Variants in RLF observed in about 807,000 individuals in gnomAD.
RLF encodes RLF zinc finger.
In RLF, 7 loss-of-function variants were observed where a neutral mutation model predicts 162.9. The observed-to-expected ratio is 0.04, with a 90% confidence interval of 0.02 to 0.08. RLF has a LOEUF of 0.08. RLF is among the 10% of genes least tolerant of loss of function. The pLI is 1.00. For missense variants in RLF, 1,664 were observed against 2,244.7 expected (o/e 0.74, Z 5.23); for synonymous variants, 782 against 791.5 (o/e 0.99, Z 0.20).
At chr1:40,187,117 C>T (rs143831826) in intron 1 of RLF, among the ~76,000 whole-genome samples, 39 of 151,958 alleles carry the variant, frequency 2.6e-4, no homozygotes, top group African/African-American at 8.7e-4. Context: ...CTGCAACCTC[C>T]GCCTCCCAGG....
intron 5 of RLF, among the ~76,000 whole-genome samples, chr1:40,216,292 A>G (rs1642923188): frequency 6.6e-6 from 1 of 152,050 alleles, no homozygotes; most frequent in Non-Finnish European, 1.5e-5. Context: ...AGACCAGCCT[A>G]GCTAACATGG....
chr1:40,167,341 A>G (rs1642181490), intron 1 of RLF, among the ~76,000 whole-genome samples: 1 of 152,200 alleles, frequency 6.6e-6, no homozygotes, highest in African/African-American at 2.4e-5. Context: ...CCTTCTTTTT[A>G]GCGATATCTA....
chr1:40,174,365 T>A (rs943173067), intron 1 of RLF, among the ~76,000 whole-genome samples: 3 of 149,234 alleles, frequency 2.0e-5, no homozygotes, highest in Non-Finnish European at 4.4e-5. Context: ...AGTGAGACTC[T>A]GTCTCAAAAA....
chr1:40,196,923 C>A (rs975965039), intron 4 of RLF, among the ~76,000 whole-genome samples: 9 of 152,346 alleles, frequency 5.9e-5, no homozygotes, highest in African/African-American at 2.2e-4. Context: ...ACTGTAACTT[C>A]ATTTACGTCA....
At chr1:40,220,585 TACTA>T (rs1416921899) in intron 5 of RLF, among the ~76,000 whole-genome samples, 1 of 152,214 alleles carries the variant, frequency 6.6e-6, no homozygotes, top group African/African-American at 2.4e-5. Context: ...ACTGCTTCCT[TACTA>T]ACAACCCTGA....
At chr1:40,184,606 TGA>T (rs199748251) in intron 1 of RLF, among the ~76,000 whole-genome samples, 80 of 152,278 alleles carry the variant, frequency 5.3e-4, no homozygotes, top group East Asian at 3.7e-3. Context: ...AATAGGCAGT[TGA>T]GGTATATAGC....
chr1:40,222,557 C>A lies in RLF; in HGVS notation c.811-17C>A. On this transcript the variant is annotated splice_polypyrimidine_tract_variant and intron_variant, in intron 5 of 7. Coordinates refer to ENST00000372771, the MANE Select transcript of RLF (RefSeq NM_012421.4). ...GTCACCATTTTCTTTTTGACTTAGT[C>A]ATCTCATTTTTGATAGATTGCAAAG... 3 of 1,607,916 alleles carry A rather than the reference C, an allele frequency of 1.9e-6. No individual in the cohort carries two copies. In the South Asian group the frequency reaches 3.3e-5, roughly 18 times the overall value.
chr1:40,212,197 A>T (rs1042452437), intron 5 of RLF, among the ~76,000 whole-genome samples: 1 of 152,182 alleles, frequency 6.6e-6, no homozygotes, highest in African/African-American at 2.4e-5. Context: ...AATAATAGGC[A>T]TATGTAATGG....
rs775872920 is a variant in RLF, at chr1:40,238,680, C to T, written c.3978C>T (p.Gly1326=). 6.2e-7 allele frequency: 1 copy of T among 1,613,616 alleles called. No individual in the cohort carries two copies. The part of the protein sequence containing the change: ...TCNSSFTNLK[G]LIRHYRTVHQ... ...ACTCCTCATTCACCAATCTAAAAGGCTTAATTCGCCATTACAGAACTGTAC... is the reference window on the plus strand; with the variant it reads ...ACTCCTCATTCACCAATCTAAAAGGTTTAATTCGCCATTACAGAACTGTAC... Residue 1326 remains glycine (G), a synonymous_variant, in exon 8 of 8, where the codon GGC becomes GGT. Transcript: ENST00000372771. This position sits in a 1 kb window ranked among gnomAD's most constrained non-coding sequence, Gnocchi z 5.2.
chr1:40,231,640 T>G lies in RLF; in HGVS notation c.1071T>G (p.Ile357Met). Reference sequence around the variant, plus strand: ...CGCAGCAGCATTTATTTTGCCTCATTAGAGTTATACAAACTGAAGTGAGTA... The same window carrying G: ...CGCAGCAGCATTTATTTTGCCTCATGAGAGTTATACAAACTGAAGTGAGTA... ...AKTQQHLFCL[I>M]RVIQTEAQDA... is the part of the protein sequence containing the mutation. The change falls in exon 7 of 8, where the codon ATT becomes ATG. Residue 357 changes from isoleucine (I) to methionine (M), a missense_variant. Physicochemically the swap from Ile to Met is conservative, Grantham distance 10. Coordinates refer to ENST00000372771, the MANE Select transcript of RLF (RefSeq NM_012421.4). The G allele has an allele frequency of 6.2e-7, 1 of 1,613,450 alleles. No individual in the cohort carries two copies. The highest frequency in any genetic ancestry group is 8.5e-7 in the Non-Finnish European group (1 of 1,179,840).
intron 5 of RLF, among the ~76,000 whole-genome samples, chr1:40,205,497 T>C (rs1642779084): frequency 6.8e-6 from 1 of 146,190 alleles, no homozygotes; most frequent in African/African-American, 2.5e-5. Context: ...TTTTTTTTTT[T>C]TTTTTTTTTT....
At chr1:40,225,656 C>T (rs1557758027) in intron 6 of RLF, among the ~76,000 whole-genome samples, 1 of 150,142 alleles carries the variant, frequency 6.7e-6, no homozygotes, top group Non-Finnish European at 1.5e-5. Context: ...ACGGGCAGAT[C>T]ACAAGGTCAG....
chr1:40,184,236 AT>A (rs1642442591), intron 1 of RLF, among the ~76,000 whole-genome samples: 1 of 152,178 alleles, frequency 6.6e-6, no homozygotes, highest in Non-Finnish European at 1.5e-5. Context: ...TCTTCTAGTC[AT>A]TTTCCCCTTG....
chr1:40,185,843 CAAAAAAAA>C lies in RLF; in HGVS notation c.238-3197_238-3190del, dbSNP rs33982008. On this transcript the variant is annotated intron_variant, in intron 1 of 7. Transcript: ENST00000372771. ...GACTGTCTCAAAAAAAAAAAAAAAG[CAAAAAAAA>C]AAAAAAAAAAAAAACCACAAAGGCT... 4.6e-3 allele frequency among the ~76,000 whole-genome samples: 308 copies of C among 67,562 alleles called. 4 individuals carry two copies. The highest frequency in any genetic ancestry group is 0.017 in the African/African-American group (298 of 17,348). The allele number at this position is 67,562 out of a possible 152,430, so 44.3% of individuals were successfully genotyped here.
intron 5 of RLF, among the ~76,000 whole-genome samples, chr1:40,205,653 C>T (rs1042303760): frequency 2.6e-5 from 4 of 152,066 alleles, no homozygotes; most frequent in African/African-American, 7.2e-5. Flanking sequence ...CCATGCCCGG[C>T]TAATTTTTTT....
In RLF at chr1:40,179,198, A is replaced by G. The variant is rs373200420; in HGVS notation, c.238-9857A>G. 1.8e-4 allele frequency among the ~76,000 whole-genome samples: 28 copies of G among 152,308 alleles called. No homozygotes were observed. The East Asian group carries it at 4.2e-3, about 23-fold the overall frequency. ...TGGTACAAAATGGGTAGTCAATTTCAGTTGACTGATTTCAGAAAATGAGAC... is the reference window on the plus strand; with the variant it reads ...TGGTACAAAATGGGTAGTCAATTTCGGTTGACTGATTTCAGAAAATGAGAC... On this transcript the variant is annotated intron_variant, in intron 1 of 7. Coordinates refer to ENST00000372771, the MANE Select transcript of RLF (RefSeq NM_012421.4).
chr1:40,217,435 C>T (rs1642938579), intron 5 of RLF, among the ~76,000 whole-genome samples: 1 of 152,090 alleles, frequency 6.6e-6, no homozygotes. Flanking sequence ...CGTACCACTA[C>T]ACTCTAGCCT....
At chr1:40,199,750 G>A (rs552049483) in intron 4 of RLF, among the ~76,000 whole-genome samples, 1 of 152,268 alleles carries the variant, frequency 6.6e-6, no homozygotes, top group South Asian at 2.1e-4. Context: ...ACCTCATATG[G>A]CAGGTAAATA....
At chr1:40,224,798 C>A (rs1643045924) in intron 6 of RLF, among the ~76,000 whole-genome samples, 1 of 150,580 alleles carries the variant, frequency 6.6e-6, no homozygotes, top group African/African-American at 2.4e-5. Flanking sequence ...ACCAGCCTGA[C>A]CAACATGGTG....
Sources: gnomAD v4.1 joint callset for allele counts (sites outside exome capture counted in the v4.1 genomes callset) on GRCh38, gnomAD v4.1.1 for gene constraint, Gnocchi (gnomAD v3.1) non-coding constraint, MANE v1.5 for transcripts, NCBI Gene and HGNC (gene_info 2026-07-23, HGNC 2026-07-21) for gene names.